Variants in DCC observed in about 807,000 individuals in gnomAD.
The protein encoded by DCC is DCC netrin 1 receptor.
Under a neutral mutation model 172.5 loss-of-function variants are expected in DCC, and 58 were observed. That is an observed-to-expected ratio of 0.34 (90% CI 0.27 to 0.42). The LOEUF is 0.42. DCC is among the 10% of genes least tolerant of loss of function. The pLI, the probability that DCC is intolerant of heterozygous loss-of-function variation, is 1.00. For synonymous variants in DCC, 709 were observed against 644.5 expected (o/e 1.10, Z -1.52); for missense variants, 1,740 against 1,791.0 (o/e 0.97, Z 0.51).
chr18:53,522,356 T>G (rs554020799), intron 27 of DCC, among the ~76,000 whole-genome samples: 2 of 152,106 alleles, frequency 1.3e-5, no homozygotes, highest in East Asian at 3.9e-4. Context: ...TTACAGTCCC[T>G]GTATGAATGA....
intron 12 of DCC, among the ~76,000 whole-genome samples, chr18:53,263,170 G>A (rs952768327): frequency 1.3e-5 from 2 of 152,222 alleles, no homozygotes; most frequent in East Asian, 3.9e-4. Flanking sequence ...TTTATTTTTT[G>A]AGACAGAGTC....
chr18:52,768,176 A>G (rs753362440), intron 2 of DCC, among the ~76,000 whole-genome samples: 17 of 152,238 alleles, frequency 1.1e-4, no homozygotes, highest in Non-Finnish European at 1.9e-4. Context: ...CTCTATTTTC[A>G]GAGCTTTATA....
At chr18:52,375,660 CTT>C (rs1460348802) in intron 1 of DCC, among the ~76,000 whole-genome samples, 1 of 152,112 alleles carries the variant, frequency 6.6e-6, no homozygotes, top group African/African-American at 2.4e-5. Flanking sequence ...GCAGGGAAGT[CTT>C]GTCTCACAAT....
intron 1 of DCC, among the ~76,000 whole-genome samples, chr18:52,569,529 C>T (rs1385847166): frequency 2.6e-5 from 4 of 152,170 alleles, no homozygotes; most frequent in Non-Finnish European, 4.4e-5. Context: ...AAATTACATA[C>T]TCTATACTCC....
intron 1 of DCC, among the ~76,000 whole-genome samples, chr18:52,664,858 T>A (rs1490937403): frequency 6.6e-6 from 1 of 152,134 alleles, no homozygotes; most frequent in Non-Finnish European, 1.5e-5. Flanking sequence ...TGAACCAAGG[T>A]CATGAAATGA....
chr18:52,460,609 C>T (rs1568180309), intron 1 of DCC, among the ~76,000 whole-genome samples: 2 of 152,078 alleles, frequency 1.3e-5, no homozygotes, highest in Non-Finnish European at 2.9e-5. Flanking sequence ...CTTACACAAA[C>T]CTAGATGGTA....
At chr18:53,320,953 A>T (rs2144824057) in intron 13 of DCC, among the ~76,000 whole-genome samples, 1 of 152,288 alleles carries the variant, frequency 6.6e-6, no homozygotes, top group Non-Finnish European at 1.5e-5. Flanking sequence ...TGAATTTATC[A>T]AATGGTCTAA....
chr18:52,465,072 T>C (rs1044407292), intron 1 of DCC, among the ~76,000 whole-genome samples: 93 of 152,124 alleles, frequency 6.1e-4, no homozygotes, highest in Admixed American at 5.8e-3. Context: ...GACATAGAGA[T>C]GTTCTGGGAC....
Position 53,410,538 on chromosome 18 carries a change from C to G in DCC, c.3022C>G (p.Gln1008Glu). ...ETISGDRLTHQIMDLNLDTMY... is the reference protein window; with the variant it reads ...ETISGDRLTHEIMDLNLDTMY... ...AATCAGTGGTGATAGGCTTACTCAT[C>G]AAATCATGGATCTCAACCTTGATAC... Residue 1008 changes from glutamine to glutamate, a missense_variant, in exon 20 of 29, where the codon CAA becomes GAA. Physicochemically the swap from Gln to Glu is conservative, Grantham distance 29. Coordinates refer to ENST00000442544, the MANE Select transcript of DCC (RefSeq NM_005215.4). 1 of 1,607,178 alleles carries G rather than the reference C, an allele frequency of 6.2e-7. No homozygotes were observed. Among genetic ancestry groups the G allele is most frequent in the Non-Finnish European group, 8.5e-7 (1 of 1,173,700 alleles).
chr18:52,387,607 C>CTTCA (rs1985860197), intron 1 of DCC, among the ~76,000 whole-genome samples: 2 of 150,292 alleles, frequency 1.3e-5, no homozygotes, highest in African/African-American at 4.9e-5. Flanking sequence ...TCCTTCCTTC[C>CTTCA]TTCCTTCCTT....
rs180800589 is a variant in DCC, at chr18:52,839,444, C to T, written c.413-66600C>T. ...TGTCTCCAGTACTAATCAGCAGTGA[C>T]GCGTCAAGTCATCGTGAGTGACAAT... is the stretch of plus-strand genomic sequence containing the variant. On this transcript the variant is annotated intron_variant, in intron 2 of 28. Coordinates refer to ENST00000442544, the MANE Select transcript of DCC (RefSeq NM_005215.4). Among the ~76,000 whole-genome samples the T allele has an allele frequency of 3.2e-4, 49 of 152,190 alleles. 2 individuals are homozygous for T. Among genetic ancestry groups the T allele is most frequent in the East Asian group, 2.5e-3 (13 of 5,172 alleles).
At chr18:52,692,921 C>G (rs80187453) in intron 1 of DCC, among the ~76,000 whole-genome samples, 1 of 151,996 alleles carries the variant, frequency 6.6e-6, no homozygotes, top group Non-Finnish European at 1.5e-5. Context: ...AGAAAAAGTA[C>G]AGTCATTAGA....
At chr18:53,377,352 TGAGAGAGAGAGA>T (rs59629030) in intron 15 of DCC, among the ~76,000 whole-genome samples, 2,133 of 137,344 alleles carry the variant, frequency 0.016, 67 homozygotes, top group African/African-American at 0.053. Flanking sequence ...AAGATGCATT[TGAGAGAGAGAGA>T]GAGAGAGAGA....
At chr18:52,980,136 C>T (rs1477068500) in intron 5 of DCC, among the ~76,000 whole-genome samples, 1 of 152,128 alleles carries the variant, frequency 6.6e-6, no homozygotes, top group African/African-American at 2.4e-5. Context: ...TCTGCAAGTC[C>T]CAAAAGATAT....
chr18:52,628,834 C>T (rs1198684609), intron 1 of DCC, among the ~76,000 whole-genome samples: 3 of 152,342 alleles, frequency 2.0e-5, no homozygotes, highest in Non-Finnish European at 2.9e-5. Context: ...CACCACATCA[C>T]GTCCCTGAAG....
intron 26 of DCC, among the ~76,000 whole-genome samples, chr18:53,490,995 G>C (rs145056560): frequency 1.4e-3 from 218 of 152,278 alleles, no homozygotes; most frequent in African/African-American, 5.0e-3. Flanking sequence ...CTCCTGTCTA[G>C]TACATTAGGC....
intron 12 of DCC, among the ~76,000 whole-genome samples, chr18:53,294,779 G>A (rs894117096): frequency 2.0e-5 from 3 of 152,254 alleles, no homozygotes; most frequent in Middle Eastern, 3.4e-3. Context: ...GTTGGCTTAC[G>A]TTTTTACATA....
Position 52,520,901 on chromosome 18 carries a change from A to T in DCC, c.91+180023A>T, listed in dbSNP as rs1309141655. On this transcript the variant is annotated intron_variant, in intron 1 of 28. Coordinates refer to ENST00000442544, the MANE Select transcript of DCC (RefSeq NM_005215.4). ...TGCTGTGGTCAAAACCTGTAAACAA[A>T]TTCTTTGGACTTACAAACAGTTTTG... Among the ~76,000 whole-genome samples, 4 of 152,180 alleles carry T rather than the reference A, an allele frequency of 2.6e-5. No individual in the cohort carries two copies. The East Asian group carries it at 7.7e-4, about 29-fold the overall frequency.
rs1252771108 is a variant in DCC at position 53,206,232 on chromosome 18, T to C, written c.1722+868T>C. Among the ~76,000 whole-genome samples the C allele has an allele frequency of 2.2e-5, 3 of 138,756 alleles. No homozygotes were observed. In the Admixed American group the frequency reaches 2.3e-4, roughly 11 times the overall value. The allele number at this position is 138,756 out of a possible 152,430, so 91.0% of individuals were successfully genotyped here. On this transcript the variant is annotated intron_variant, in intron 10 of 28. Transcript: ENST00000442544. ...ATATACATGTGTATATATACATATATGTGTTATACATAATACATATATACC... is the reference window on the plus strand; with the variant it reads ...ATATACATGTGTATATATACATATACGTGTTATACATAATACATATATACC...
Sources: gnomAD v4.1 joint callset for allele counts (sites outside exome capture counted in the v4.1 genomes callset) on GRCh38, gnomAD v4.1.1 for gene constraint, MANE v1.5 for transcripts, NCBI Gene and HGNC (gene_info 2026-07-23, HGNC 2026-07-21) for gene names.